The following CADM2 variants were observed in gnomAD, a reference collection of about 807,000 sequenced individuals.
The protein encoded by CADM2 is immunoglobulin superfamily member 4D.
In CADM2, 12 loss-of-function variants were observed where a neutral mutation model predicts 49.8. The observed-to-expected ratio is 0.24, with a 90% CI of 0.15 to 0.39. The LOEUF (loss-of-function observed/expected upper bound fraction) is 0.39, where lower values mean the gene tolerates loss of function less well. CADM2 is among the 10% of genes least tolerant of loss of function. The pLI, the probability that CADM2 is intolerant of heterozygous loss-of-function variation, is 1.00. For missense variants in CADM2, 378 were observed against 492.3 expected (o/e 0.77, Z 2.20); for synonymous variants, 214 against 175.4 (o/e 1.22, Z -1.74).
At chr3:86,004,591 T>G (rs948516969) in intron 8 of CADM2, among the ~76,000 whole-genome samples, 10 of 152,320 alleles carry the variant, frequency 6.6e-5, no homozygotes, top group Non-Finnish European at 1.3e-4. Flanking sequence ...GCTTTTAGTC[T>G]TTACATTAAT....
intron 8 of CADM2, chr3:86,013,301 T>C: frequency 6.5e-7 from 1 of 1,538,428 alleles, no homozygotes; most frequent in East Asian, 2.3e-5. Context: ...ACATTTTACC[T>C]CTATCCCTTG....
intron 1 of CADM2, among the ~76,000 whole-genome samples, chr3:85,405,871 A>T (rs972839711): frequency 6.6e-6 from 1 of 151,786 alleles, no homozygotes; most frequent in Non-Finnish European, 1.5e-5. Context: ...TATTAGAATA[A>T]TATATTCTAA....
intron 1 of CADM2, among the ~76,000 whole-genome samples, chr3:85,164,951 T>G (rs2040430196): frequency 6.6e-6 from 1 of 151,890 alleles, no homozygotes; most frequent in South Asian, 2.1e-4. Flanking sequence ...ATATAGAAAG[T>G]GTATGTGTGT....
At chr3:85,475,278 A>T (rs2038932176) in intron 1 of CADM2, among the ~76,000 whole-genome samples, 1 of 152,016 alleles carries the variant, frequency 6.6e-6, no homozygotes, top group African/African-American at 2.4e-5. Context: ...TAATTGTGAT[A>T]GGAAGATACA....
At chr3:85,745,575 T>C (rs2068583510) in intron 2 of CADM2, among the ~76,000 whole-genome samples, 1 of 151,822 alleles carries the variant, frequency 6.6e-6, no homozygotes, top group Non-Finnish European at 1.5e-5. Context: ...ATATAAAGAG[T>C]GTTACGTGGG....
intron 7 of CADM2, among the ~76,000 whole-genome samples, chr3:85,945,833 G>A (rs1049981690): frequency 1.3e-4 from 20 of 151,992 alleles, no homozygotes; most frequent in African/African-American, 4.6e-4. Flanking sequence ...TACTGAATGG[G>A]CAAAAACTGG....
intron 1 of CADM2, among the ~76,000 whole-genome samples, chr3:85,452,542 C>T (rs1252677158): frequency 6.6e-6 from 1 of 152,040 alleles, no homozygotes; most frequent in Non-Finnish European, 1.5e-5. Context: ...TTAACACACG[C>T]TGTTGTATAA....
rs375702349 is a variant in CADM2 at position 84,984,356 on chromosome 3, T to TAA, written c.61+24716_61+24717dup. Among the ~76,000 whole-genome samples, 184 of 67,048 alleles carry TAA rather than the reference T, an allele frequency of 2.7e-3. 20 individuals are homozygous for TAA. Among genetic ancestry groups the TAA allele is most frequent in the African/African-American group, 0.012 (154 of 13,322 alleles). The allele number at this position is 67,048 out of a possible 152,430, so 44.0% of individuals were successfully genotyped here. A position where few individuals can be genotyped will look rare whatever the true frequency, so the allele number is the denominator to read the frequency against. ...CCTCATAGCCACCTCAAGATTAAGC[T>TAA]AAAAAAAAAAAAAAAAAAAAAAAAA... On this transcript the variant is annotated intron_variant, in intron 1 of 9. Coordinates refer to ENST00000383699, the MANE Select transcript of CADM2 (RefSeq NM_001167675.2).
At position 85,878,917 on chromosome 3, in the gene CADM2, G is replaced by A. The variant is rs565415366; in HGVS notation, c.239-4374G>A. 1.4e-4 allele frequency among the ~76,000 whole-genome samples: 21 copies of A among 152,018 alleles called. No homozygotes were observed. The East Asian group carries it at 1.9e-3, about 14-fold the overall frequency. ...AAATTGAGCACAGGAGGTGGGTAAC[G>A]TATTCTATCCATACAGTATCACAGC... On this transcript the variant is annotated intron_variant, in intron 3 of 9. Transcript: ENST00000383699.
At position 85,916,006 on chromosome 3, in the gene CADM2, G is replaced by T. The variant is rs114797226; in HGVS notation, c.700+3463G>T. Among the ~76,000 whole-genome samples, 600 of 152,190 alleles carry T rather than the reference G, an allele frequency of 3.9e-3. 7 individuals carry two copies. The highest frequency in any genetic ancestry group is 0.014 in the African/African-American group (578 of 41,548). On this transcript the variant is annotated intron_variant, in intron 6 of 9. Transcript: ENST00000383699. Reference sequence around the variant, plus strand: ...AATGCCAAGAGGCATAATGAAAAAAGTATAGTAGGAGGACTTATATTTCTA... The same window carrying T: ...AATGCCAAGAGGCATAATGAAAAAATTATAGTAGGAGGACTTATATTTCTA...
chr3:85,923,973 T>A (rs768157085), intron 6 of CADM2, among the ~76,000 whole-genome samples: 18 of 152,208 alleles, frequency 1.2e-4, no homozygotes, highest in Non-Finnish European at 2.5e-4. Flanking sequence ...TATGTTATTC[T>A]TTTTATCATA....
intron 1 of CADM2, among the ~76,000 whole-genome samples, chr3:85,020,378 A>C (rs1453237451): frequency 6.6e-6 from 1 of 152,198 alleles, no homozygotes; most frequent in African/African-American, 2.4e-5. Context: ...ATCATGGAAC[A>C]TATTTAAAAA....
chr3:85,290,367 C>G (rs905549715), intron 1 of CADM2, among the ~76,000 whole-genome samples: 4 of 152,178 alleles, frequency 2.6e-5, no homozygotes, highest in Non-Finnish European at 5.9e-5. Flanking sequence ...GGGGGAGGGG[C>G]GCCCGCCATT....
At chr3:85,193,359 A>T (rs530449011) in intron 1 of CADM2, among the ~76,000 whole-genome samples, 1 of 85,528 alleles carries the variant, frequency 1.2e-5, no homozygotes, top group East Asian at 2.4e-4. Context: ...AAATCTATCT[A>T]AAAAATCTTA....
At chr3:85,143,895 A>G (rs2039651722) in intron 1 of CADM2, among the ~76,000 whole-genome samples, 1 of 152,168 alleles carries the variant, frequency 6.6e-6, no homozygotes, top group Non-Finnish European at 1.5e-5. Flanking sequence ...AAAGAAAACC[A>G]AAGTCCTTTG....
intron 1 of CADM2, among the ~76,000 whole-genome samples, chr3:85,437,685 T>C (rs1281646764): frequency 6.6e-6 from 1 of 151,980 alleles, no homozygotes; most frequent in Non-Finnish European, 1.5e-5. Context: ...TATTTAAATA[T>C]ATTTAAATAA....
intron 2 of CADM2, among the ~76,000 whole-genome samples, chr3:85,761,493 C>T (rs1360940069): frequency 6.7e-6 from 1 of 150,222 alleles, no homozygotes; most frequent in African/African-American, 2.5e-5. Context: ...TGTCTTACCT[C>T]AGCCTCCCGA....
At chr3:86,032,867 G>A (rs758859242) in intron 8 of CADM2, among the ~76,000 whole-genome samples, 5 of 151,640 alleles carry the variant, frequency 3.3e-5, no homozygotes, top group Non-Finnish European at 7.4e-5. Context: ...AACCAACCCT[G>A]CCTTTCTCAT....
intron 1 of CADM2, among the ~76,000 whole-genome samples, chr3:85,650,358 T>G (rs2065008458): frequency 6.6e-6 from 1 of 152,076 alleles, no homozygotes; most frequent in African/African-American, 2.4e-5. Context: ...GACAAGCAAA[T>G]ACAAAGTACT....
Sources: gnomAD v4.1 joint callset for allele counts (sites outside exome capture counted in the v4.1 genomes callset) on GRCh38, gnomAD v4.1.1 for gene constraint, MANE v1.5 for transcripts, NCBI Gene and HGNC (gene_info 2026-07-23, HGNC 2026-07-21) for gene names.